Variants in TOP2B observed in about 807,000 individuals in gnomAD.
The protein encoded by TOP2B is DNA topoisomerase 2-beta.
TOP2B carries 51 observed loss-of-function variants against 193.5 expected under a neutral mutation model. That is an observed-to-expected ratio of 0.26 (90% CI 0.21 to 0.33). The LOEUF (loss-of-function observed/expected upper bound fraction) is 0.33. TOP2B is among the 10% of genes least tolerant of loss of function. TOP2B has a pLI of 1.00. For synonymous variants in TOP2B, 634 were observed against 635.7 expected (o/e 1.00, Z 0.04); for missense variants, 1,378 against 1,909.3 (o/e 0.72, Z 5.19).
At chr3:25,625,059 C>A (rs1404955241) in intron 18 of TOP2B, 3 of 286,288 alleles carry the variant, frequency 1.0e-5, no homozygotes, top group African/African-American at 4.5e-5. Context: ...AATTGAAAGA[C>A]AACATTCTGG....
chr3:25,634,141 C>G, intron 7 of TOP2B, 127 bp from the exon 8 acceptor site: 1 of 668,158 alleles, frequency 1.5e-6, no homozygotes, highest in Non-Finnish European at 2.4e-6. Flanking sequence ...CGATCCAAAC[C>G]TTAGTGGCAT....
At chr3:25,663,748 A>G (rs6769462) in intron 1 of TOP2B, among the ~76,000 whole-genome samples, 33,684 of 152,130 alleles carry the variant, frequency 0.22, 5,419 homozygotes, top group African/African-American at 0.46. Context: ...TGCTGTAGAA[A>G]TCCCAATGCA....
At chr3:25,640,494 G>A (rs1452696283) in intron 4 of TOP2B, among the ~76,000 whole-genome samples, 1 of 151,366 alleles carries the variant, frequency 6.6e-6, no homozygotes, top group East Asian at 1.9e-4. Context: ...TGAGGTGGGG[G>A]ATATGAAAAA....
chr3:25,626,343 T>C (rs1301545864), intron 18 of TOP2B, among the ~76,000 whole-genome samples: 3 of 152,168 alleles, frequency 2.0e-5, no homozygotes, highest in African/African-American at 4.8e-5. Context: ...TCGGAAAAGG[T>C]TTAAAAGTTT....
downstream of TOP2B, chr3:25,597,939 T>C (rs1206595015): frequency 6.4e-6 from 1 of 156,718 alleles, no homozygotes; most frequent in Non-Finnish European, 1.4e-5. Flanking sequence ...TAAAGGTGTG[T>C]GGGAGCTTTT....
At chr3:25,645,926 A>ATTTTTTT (rs756446533) in intron 1 of TOP2B, among the ~76,000 whole-genome samples, 1 of 140,502 alleles carries the variant, frequency 7.1e-6, no homozygotes. Flanking sequence ...TGCCCAGGTA[A>ATTTTTTT]TTTTTTTTTT....
chr3:25,610,519 C>T (rs1204250633), intron 28 of TOP2B, among the ~76,000 whole-genome samples: 1 of 152,120 alleles, frequency 6.6e-6, no homozygotes, highest in East Asian at 1.9e-4. Flanking sequence ...AGGCAGAAGG[C>T]ACAAAGCCAT....
At chr3:25,652,113 T>C (rs1405038627) in intron 1 of TOP2B, among the ~76,000 whole-genome samples, 1 of 152,174 alleles carries the variant, frequency 6.6e-6, no homozygotes, top group East Asian at 1.9e-4. Context: ...TAGGACATTA[T>C]ATGATAAAAG....
Position 25,607,242 on chromosome 3 carries a change from T to A in TOP2B, c.4227A>T (p.Glu1409Asp), listed in dbSNP as rs780673104. Residue 1409 changes from glutamate (E) to aspartate (D), a missense_variant, in exon 31 of 36, where the codon GAA becomes GAT. Physicochemically the swap from Glu to Asp is conservative, Grantham distance 45 (BLOSUM62 2). Transcript: ENST00000264331. Reference protein sequence around the residue: ...ASPITNDGEDEFVPSDGLDKD... With the variant: ...ASPITNDGEDDFVPSDGLDKD... ...TATCTAACCCATCTGAAGGAACAAATTCATCTTCCCCATCATTTGTTATGG... is the reference window on the plus strand; with the variant it reads ...TATCTAACCCATCTGAAGGAACAAAATCATCTTCCCCATCATTTGTTATGG... 51 of 1,603,994 alleles carry A rather than the reference T, an allele frequency of 3.2e-5. No homozygotes were observed. In the Middle Eastern group the frequency reaches 9.9e-4, roughly 31 times the overall value.
intron 6 of TOP2B, among the ~76,000 whole-genome samples, chr3:25,636,545 C>T (rs894294432): frequency 1.3e-5 from 2 of 151,934 alleles, no homozygotes; most frequent in African/African-American, 4.8e-5. Flanking sequence ...ACTTGATCCT[C>T]CTCTGATTTT....
At chr3:25,624,218 G>C in intron 20 of TOP2B, 79 bp downstream of exon 20, 1 of 1,503,500 alleles carries the variant, frequency 6.7e-7, no homozygotes, top group Non-Finnish European at 9.2e-7. Flanking sequence ...TCTCTCCACA[G>C]CTATAATTCC....
chr3:25,663,811 A>T (rs1370617337), intron 1 of TOP2B, among the ~76,000 whole-genome samples: 2 of 152,100 alleles, frequency 1.3e-5, no homozygotes, highest in Admixed American at 1.3e-4. Flanking sequence ...ATACACACAC[A>T]CACACACCCC....
intron 1 of TOP2B, among the ~76,000 whole-genome samples, chr3:25,663,990 C>G (rs574638094): frequency 8.5e-5 from 13 of 152,202 alleles, no homozygotes; most frequent in Admixed American, 3.9e-4. Flanking sequence ...TTTTGTCCCC[C>G]CAAAGTTTCA....
chr3:25,651,325 ACT>A (rs1703582341), intron 1 of TOP2B, among the ~76,000 whole-genome samples: 1 of 152,146 alleles, frequency 6.6e-6, no homozygotes, highest in East Asian at 1.9e-4. Context: ...CATTGAAGTT[ACT>A]AATTTAAAAT....
In TOP2B at chr3:25,627,303, A is replaced by C. The variant is rs1269621024; in HGVS notation, c.1907-7T>G. The C allele has an allele frequency of 2.0e-6, 3 of 1,532,744 alleles. No homozygotes were observed. The highest frequency in any genetic ancestry group is 2.6e-6 in the Non-Finnish European group (3 of 1,136,098). The allele number at this position is 1,532,744 out of a possible 1,614,324, so 94.9% of individuals were successfully genotyped here. On this transcript the variant is annotated splice_region_variant and splice_polypyrimidine_tract_variant and intron_variant, in intron 15 of 35. Coordinates refer to ENST00000264331, the MANE Select transcript of TOP2B (RefSeq NM_001330700.2). ...GCTGTACTAGTACCCAATCCTGCAC[A>C]ATTTTAAAAATAAAAGTGAGTCATG... is the stretch of plus-strand genomic sequence containing the variant.
intron 1 of TOP2B, among the ~76,000 whole-genome samples, chr3:25,650,096 G>T (rs1575586136): frequency 1.3e-5 from 2 of 152,122 alleles, no homozygotes; most frequent in Admixed American, 6.5e-5. Context: ...GCAAAATCAG[G>T]ATTATAAGAT....
In TOP2B at chr3:25,601,162, T is replaced by A; in HGVS notation, c.4553A>T (p.Glu1518Val). 1 of 1,613,858 alleles carries A rather than the reference T, an allele frequency of 6.2e-7. No individual in the cohort carries two copies. Among genetic ancestry groups the A allele is most frequent in the Non-Finnish European group, 8.5e-7 (1 of 1,179,762 alleles). ...TGAATCCGAGTCAGAGTTTACAGCC[T>A]CTACTACTTTCTTCTGTTTTGGGGC... ...KRAPKQKKVV[E>V]AVNSDSDSEF... Residue 1518 changes from glutamate (E) to valine (V), a missense_variant, in exon 34 of 36, where the codon GAG (glutamate) becomes GTG (valine). Transcript: ENST00000264331.
At chr3:25,620,114 T>C in intron 22 of TOP2B, 52 bp from the exon 23 acceptor site, 1 of 1,177,356 alleles carries the variant, frequency 8.5e-7, no homozygotes, top group Admixed American at 2.1e-5. Context: ...TCTCATGTTC[T>C]CATACTACAA....
intron 2 of TOP2B, among the ~76,000 whole-genome samples, chr3:25,644,966 TTTTTTTTGTA>T (rs1703374104): frequency 6.6e-6 from 1 of 151,100 alleles, no homozygotes; most frequent in African/African-American, 2.4e-5. Flanking sequence ...CAGAAAATTT[TTTTTTTTGTA>T]TTTTTTTGTA....
Sources: gnomAD v4.1 joint callset for allele counts (sites outside exome capture counted in the v4.1 genomes callset) on GRCh38, gnomAD v4.1.1 for gene constraint, MANE v1.5 for transcripts, NCBI Gene and HGNC (gene_info 2026-07-23, HGNC 2026-07-21) for gene names.